Variants in ACBD3 observed in about 807,000 individuals in gnomAD.
The protein encoded by ACBD3 is Golgi resident protein GCP60.
In ACBD3, 30 loss-of-function variants were observed where a neutral mutation model predicts 66.9. The observed-to-expected ratio is 0.45, with a 90% CI of 0.34 to 0.61. The LOEUF is 0.61. Among genes scored for constraint, ACBD3 ranks in the 20% least tolerant of loss-of-function variants. The probability of loss-of-function intolerance (pLI) is 0.02; values close to 1 mark genes in which losing one functional copy is unlikely to be tolerated. For missense variants in ACBD3, 544 were observed against 664.5 expected (o/e 0.82, Z 1.99); for synonymous variants, 278 against 259.8 (o/e 1.07, Z -0.68).
At chr1:226,176,985 A>C (rs1450731072) in intron 1 of ACBD3, among the ~76,000 whole-genome samples, 5 of 152,192 alleles carry the variant, frequency 3.3e-5, no homozygotes, top group African/African-American at 1.2e-4. Context: ...TGTGCACATT[A>C]TTTTTAATCA....
chr1:226,185,545 CT>C (rs1656278634), intron 1 of ACBD3, among the ~76,000 whole-genome samples: 1 of 151,584 alleles, frequency 6.6e-6, no homozygotes. Flanking sequence ...AACTAACGGG[CT>C]TTCATCAGTT....
intron 1 of ACBD3, among the ~76,000 whole-genome samples, chr1:226,170,333 A>AATT (rs749117611): frequency 9.1e-6 from 1 of 109,846 alleles, no homozygotes; most frequent in East Asian, 2.6e-4. Flanking sequence ...AATTTTTTGA[A>AATT]TTTTTTTTTT....
chr1:226,164,754 G>A lies in ACBD3; in HGVS notation c.569+35C>T, dbSNP rs370002415. On this transcript the variant is annotated intron_variant, in intron 3 of 7. Transcript: ENST00000366812. ...CAAAAGCATCAGTACACTGGGCTGC[G>A]CAGCAATAAAGTATTCCATGCCCTC... The A allele has an allele frequency of 1.5e-5, 24 of 1,592,738 alleles. 1 individual carries two copies. In the African/African-American group the frequency reaches 1.9e-4, roughly 12 times the overall value.
At position 226,161,564 on chromosome 1, in the gene ACBD3, A is replaced by G; in HGVS notation, c.695T>C (p.Ile232Thr). ...CTCCAACCGAAGCCTTTCTTCTTCT[A>G]TCCGTCTCCTTTCCTCTTCCTCCCG... ...LRREEEERRR[I>T]EEERLRLEQQ... The change falls in exon 4 of 8, where the codon ATA (isoleucine) becomes ACA (threonine). Residue 232 changes from isoleucine to threonine, a missense_variant. By Grantham distance (89) the Ile-to-Thr change is moderately conservative. Coordinates refer to ENST00000366812, the MANE Select transcript of ACBD3 (RefSeq NM_022735.4). 6.2e-7 allele frequency: 1 copy of G among 1,613,942 alleles called. No individual in the cohort carries two copies. The highest frequency in any genetic ancestry group is 8.5e-7 in the Non-Finnish European group (1 of 1,179,984).
chr1:226,170,590 A>C (rs1203227029), intron 1 of ACBD3, among the ~76,000 whole-genome samples: 1 of 152,070 alleles, frequency 6.6e-6, no homozygotes, highest in African/African-American at 2.4e-5. Flanking sequence ...GTCATGCAAA[A>C]CAGCAATTTC....
intron 1 of ACBD3, among the ~76,000 whole-genome samples, chr1:226,184,132 A>G (rs1433529864): frequency 6.6e-6 from 1 of 152,124 alleles, no homozygotes; most frequent in Non-Finnish European, 1.5e-5. Flanking sequence ...TGGAGCTTGC[A>G]GTGAGCCCCG....
At chr1:226,167,789 G>A (rs1576236640) in intron 1 of ACBD3, among the ~76,000 whole-genome samples, 1 of 151,910 alleles carries the variant, frequency 6.6e-6, no homozygotes, top group Non-Finnish European at 1.5e-5. Context: ...ACTCAGAGAA[G>A]AAAAAATATA....
Position 226,165,997 on chromosome 1 carries a change from T to C in ACBD3, c.290A>G (p.Lys97Arg), listed in dbSNP as rs778635797. ...AGTTGGATGAAATGCTTTGCCATCT[T>C]TTTCTATAAGAAAAAGAAACACAAA... The part of the protein sequence containing the change: ...YGLALRFFKE[K>R]DGKAFHPTYE... The change falls in exon 2 of 8, where the codon AAA (lysine) becomes AGA (arginine). Residue 97 changes from lysine to arginine, a missense_variant. Lys to Arg is a conservative substitution (Grantham distance 26). Transcript: ENST00000366812. 6.2e-7 allele frequency: 1 copy of C among 1,600,886 alleles called. No individual in the cohort carries two copies. Among genetic ancestry groups the C allele is most frequent in the Non-Finnish European group, 8.5e-7 (1 of 1,176,876 alleles).
At chr1:226,164,698 G>T in intron 3 of ACBD3, 91 bp downstream of exon 3, 1 of 1,367,104 alleles carries the variant, frequency 7.3e-7, no homozygotes, top group Non-Finnish European at 9.6e-7. Flanking sequence ...CAAGACACCT[G>T]ATCTAGAACT....
intron 1 of ACBD3, among the ~76,000 whole-genome samples, chr1:226,172,091 G>A (rs1420520570): frequency 1.5e-5 from 2 of 137,772 alleles, no homozygotes; most frequent in Non-Finnish European, 1.5e-5. Context: ...GGAGGCGGAG[G>A]TTGCAGTGAG....
chr1:226,151,117 C>G (rs1162085952), intron 7 of ACBD3, among the ~76,000 whole-genome samples: 1 of 152,202 alleles, frequency 6.6e-6, no homozygotes, highest in African/African-American at 2.4e-5. Flanking sequence ...CAACTCTGTA[C>G]TTCACAAGTT....
chr1:226,175,645 AT>A (rs767959532), intron 1 of ACBD3, among the ~76,000 whole-genome samples: 101 of 148,208 alleles, frequency 6.8e-4, no homozygotes, highest in African/African-American at 7.4e-4. Context: ...ATACATTAGA[AT>A]TTTTTTTTTT....
intron 5 of ACBD3, among the ~76,000 whole-genome samples, chr1:226,158,907 T>C (rs1397385411): frequency 6.6e-6 from 1 of 152,216 alleles, no homozygotes; most frequent in Non-Finnish European, 1.5e-5. Context: ...GGACCACTAT[T>C]AGGGTCTATG....
At position 226,145,860 on chromosome 1, in the gene ACBD3, A is replaced by G. The variant is rs1299226407; in HGVS notation, c.*750T>C. The stretch of plus-strand genomic sequence containing the variant: ...CAAAACAAAACAAAACAAAACAAAA[A>G]ACCTGTATTTTGCTACTAGTAGTAT... On this transcript the variant is annotated 3_prime_UTR_variant, in exon 8 of 8. Transcript: ENST00000366812. 2.0e-5 allele frequency: 3 copies of G among 151,666 alleles called. No individual in the cohort carries two copies. Among genetic ancestry groups the G allele is most frequent in the African/African-American group, 7.3e-5 (3 of 41,230 alleles). 9.4% of individuals were successfully genotyped at this position (151,666 alleles called of 1,614,324 possible). A position where few individuals can be genotyped will look rare whatever the true frequency, so the allele number is the denominator to read the frequency against.
Position 226,159,244 on chromosome 1 carries a change from C to T in ACBD3, c.843G>A (p.Gln281=). The change falls in exon 5 of 8, where the codon CAG becomes CAA. Residue 281 remains glutamine (Q), a synonymous_variant. Transcript: ENST00000366812. ...EQQQILIRQL[Q]EQHYQQYMQQ... is the part of the protein sequence containing the mutation. ...GCATGTACTGCTGATAGTGTTGCTC[C>T]TGCAACTGGCGGATGAGAATTTGCT... 1.2e-6 allele frequency: 2 copies of T among 1,614,198 alleles called. No homozygotes were observed. Among genetic ancestry groups the T allele is most frequent in the African/African-American group, 1.3e-5 (1 of 75,048 alleles).
At chr1:226,157,408 T>G (rs1233968385) in intron 5 of ACBD3, among the ~76,000 whole-genome samples, 1 of 152,096 alleles carries the variant, frequency 6.6e-6, no homozygotes, top group African/African-American at 2.4e-5. Flanking sequence ...CCAGGCTAAT[T>G]TTGTATTTTT....
chr1:226,181,206 A>C (rs1656164113), intron 1 of ACBD3, among the ~76,000 whole-genome samples: 1 of 152,176 alleles, frequency 6.6e-6, no homozygotes, highest in African/African-American at 2.4e-5. Context: ...GGGAAAAAGA[A>C]CTCTAATAGA....
intron 2 of ACBD3, among the ~76,000 whole-genome samples, chr1:226,165,177 CT>C (rs201749556): frequency 5.8e-4 from 85 of 146,018 alleles, no homozygotes; most frequent in Admixed American, 6.2e-4. Context: ...TTTCTTTTTT[CT>C]TTTTTTTTTT....
At chr1:226,156,943 G>A (rs1235006100) in intron 5 of ACBD3, among the ~76,000 whole-genome samples, 1 of 152,080 alleles carries the variant, frequency 6.6e-6, no homozygotes, top group East Asian at 1.9e-4. Flanking sequence ...GGGAACCCCC[G>A]ACCATGAATC....
Sources: gnomAD v4.1 joint callset for allele counts (sites outside exome capture counted in the v4.1 genomes callset) on GRCh38, gnomAD v4.1.1 for gene constraint, MANE v1.5 for transcripts, NCBI Gene and HGNC (gene_info 2026-07-23, HGNC 2026-07-21) for gene names.